RAI1: variants seen among roughly 807,000 people sequenced by gnomAD.
The protein encoded by RAI1 is retinoic acid-induced protein 1.
A neutral mutation model predicts 123.8 loss-of-function variants in RAI1; 9 were observed. That is an observed-to-expected ratio of 0.07 (90% CI 0.04 to 0.13). RAI1 has a LOEUF of 0.13. Among genes scored for constraint, RAI1 ranks in the 10% least tolerant of loss-of-function variants. RAI1 has a pLI of 1.00. For missense variants in RAI1, 2,256 were observed against 2,545.8 expected (o/e 0.89, Z 2.45); for synonymous variants, 1,231 against 1,127.3 (o/e 1.09, Z -1.84).
intron 1 of RAI1, among the ~76,000 whole-genome samples, chr17:17,691,702 G>A (rs568880679): frequency 3.2e-4 from 49 of 152,276 alleles, no homozygotes; most frequent in African/African-American, 1.1e-3. Context: ...TCCAGAGGTG[G>A]GGAGAAGGCA....
intron 2 of RAI1, among the ~76,000 whole-genome samples, chr17:17,736,065 G>A (rs1265412151): frequency 6.6e-6 from 1 of 152,208 alleles, no homozygotes; most frequent in African/African-American, 2.4e-5. Flanking sequence ...TTCAAGGGTT[G>A]AGTGTGGATA....
At chr17:17,769,066 C>T (rs1456593350) in intron 2 of RAI1, among the ~76,000 whole-genome samples, 2 of 152,206 alleles carry the variant, frequency 1.3e-5, no homozygotes, top group Admixed American at 6.5e-5. Context: ...GGGGAAGGAG[C>T]CCCCAGGACT....
chr17:17,737,446 T>C (rs1916467331), intron 2 of RAI1, among the ~76,000 whole-genome samples: 1 of 152,168 alleles, frequency 6.6e-6, no homozygotes, highest in East Asian at 1.9e-4. Flanking sequence ...TGGCCTGTGC[T>C]GGAATACTAC....
At chr17:17,751,719 C>T (rs1051882286) in intron 2 of RAI1, among the ~76,000 whole-genome samples, 2 of 152,174 alleles carry the variant, frequency 1.3e-5, no homozygotes, top group African/African-American at 4.8e-5. Context: ...GCCACAGGGC[C>T]GATTCCTCCT....
At chr17:17,738,526 C>T (rs1448038013) in intron 2 of RAI1, among the ~76,000 whole-genome samples, 4 of 152,132 alleles carry the variant, frequency 2.6e-5, no homozygotes, top group Admixed American at 1.3e-4. Context: ...GGCCTGTCTG[C>T]GGGTGAAGGC....
intron 2 of RAI1, among the ~76,000 whole-genome samples, chr17:17,760,522 C>T (rs984458958): frequency 6.6e-6 from 1 of 152,186 alleles, no homozygotes; most frequent in African/African-American, 2.4e-5. Flanking sequence ...CCTGGGTCCC[C>T]GCCATGGAGA....
intron 2 of RAI1, among the ~76,000 whole-genome samples, chr17:17,725,302 C>T (rs1341093656): frequency 6.6e-6 from 1 of 152,080 alleles, no homozygotes; most frequent in East Asian, 1.9e-4. Flanking sequence ...GAGGTGATCC[C>T]GAGGGTGCTG....
chr17:17,745,042 G>T (rs1916780009), intron 2 of RAI1, among the ~76,000 whole-genome samples: 1 of 152,110 alleles, frequency 6.6e-6, no homozygotes, highest in Admixed American at 6.6e-5. Context: ...CCCCTAAGCT[G>T]ATAAATGACC....
Position 17,801,185 on chromosome 17 carries a change from C to T in RAI1, c.5566-2571C>T, listed in dbSNP as rs1387007349. 6.6e-6 allele frequency among the ~76,000 whole-genome samples: 1 copy of T among 152,192 alleles called. No homozygotes were observed. The highest frequency in any genetic ancestry group is 1.9e-4 in the East Asian group (1 of 5,188). On this transcript the variant is annotated intron_variant, in intron 3 of 5. Transcript: ENST00000353383. The surrounding 1 kb of genome is among the most constrained non-coding windows in gnomAD (Gnocchi z 4.1). The stretch of plus-strand genomic sequence containing the variant: ...CTCTGAGCCCTGCCTGCCCTTCCCC[C>T]AAAGCCATCATAGACCCCTACCTCC...
intron 2 of RAI1, among the ~76,000 whole-genome samples, chr17:17,727,574 C>T (rs1262380155): frequency 6.6e-6 from 1 of 152,200 alleles, no homozygotes; most frequent in Non-Finnish European, 1.5e-5. Context: ...CCCCACCTGC[C>T]CACCACAGTT....
At chr17:17,791,643 C>T (rs367797243) in intron 2 of RAI1, among the ~76,000 whole-genome samples, 27 of 152,340 alleles carry the variant, frequency 1.8e-4, no homozygotes, top group African/African-American at 3.1e-4. Flanking sequence ...TTCCTGCCTC[C>T]GGGCCAGCAT....
intron 2 of RAI1, among the ~76,000 whole-genome samples, chr17:17,756,275 G>A (rs942524252): frequency 6.6e-6 from 1 of 151,076 alleles, no homozygotes; most frequent in Non-Finnish European, 1.5e-5. Flanking sequence ...TCGGCTCACC[G>A]CAACCTCTGC....
chr17:17,796,317 G>T lies in RAI1; in HGVS notation c.3369G>T (p.Pro1123=). 1 of 1,611,642 alleles carries T rather than the reference G, an allele frequency of 6.2e-7. No homozygotes were observed. The change falls in exon 3 of 6, where the codon CCG becomes CCT. Residue 1123 remains proline (P), a synonymous_variant. Coordinates refer to ENST00000353383, the MANE Select transcript of RAI1 (RefSeq NM_030665.4). This position sits in a 1 kb window ranked among gnomAD's most constrained non-coding sequence, Gnocchi z 5.8. ...TGCCTGTGGCCTCCGACAGCAGCCC[G>T]ATGGGCTCCAAGACCAAGGAGACAG... ...AALPVASDSS[P]MGSKTKETDS...
chr17:17,787,459 T>A (rs546224782), intron 2 of RAI1, among the ~76,000 whole-genome samples: 2 of 150,946 alleles, frequency 1.3e-5, no homozygotes, highest in South Asian at 4.2e-4. Flanking sequence ...TAAAGTGATC[T>A]AAAAAAAAAA....
intron 2 of RAI1, among the ~76,000 whole-genome samples, chr17:17,792,589 G>A (rs2032056805): frequency 1.6e-5 from 2 of 127,420 alleles, no homozygotes; most frequent in South Asian, 2.6e-4. Flanking sequence ...GGGGGGGGGC[G>A]GGTAGCTCCC....
chr17:17,687,264 G>T (rs913859323), intron 1 of RAI1, among the ~76,000 whole-genome samples: 2 of 152,178 alleles, frequency 1.3e-5, no homozygotes, highest in African/African-American at 4.8e-5. Context: ...AGGGGGCAGG[G>T]AAGCCATGTG....
intron 1 of RAI1, among the ~76,000 whole-genome samples, chr17:17,686,568 C>CGTGTGTGTGTGTGTGT (rs58906330): frequency 4.9e-4 from 61 of 124,496 alleles, no homozygotes; most frequent in Non-Finnish European, 8.2e-4. Context: ...TTCTTGAACC[C>CGTGTGTGTGTGTGTGT]GTGTGTGTGT....
At chr17:17,711,001 C>A (rs1460978700) in intron 1 of RAI1, among the ~76,000 whole-genome samples, 10 of 152,208 alleles carry the variant, frequency 6.6e-5, no homozygotes, top group Non-Finnish European at 1.5e-4. Flanking sequence ...CCTCCTCCCC[C>A]TCCCCTGCTC....
chr17:17,754,191 CTTTTTT>C (rs1158475382), intron 2 of RAI1, among the ~76,000 whole-genome samples: 6 of 75,726 alleles, frequency 7.9e-5, no homozygotes, highest in East Asian at 8.2e-4. Context: ...CTAACCCAAT[CTTTTTT>C]TTTTTTTTTT....
Sources: allele counts gnomAD v4.1 joint callset (sites outside exome capture counted in the v4.1 genomes callset), GRCh38; gene constraint gnomAD v4.1.1; non-coding constraint Gnocchi (gnomAD v3.1); transcripts MANE v1.5; gene names NCBI Gene and HGNC (gene_info 2026-07-23, HGNC 2026-07-21).